The following ABL1 variants were observed in gnomAD, a reference collection of about 807,000 sequenced individuals.
The protein encoded by ABL1 is ABL proto-oncogene 1, non-receptor tyrosine kinase.
In ABL1, 11 loss-of-function variants were observed where a neutral mutation model predicts 94.7. That is an observed-to-expected ratio of 0.12 (90% CI 0.07 to 0.19). The LOEUF is 0.19. Among genes scored for constraint, ABL1 ranks in the 10% least tolerant of loss-of-function variants. The pLI, the probability that ABL1 is intolerant of heterozygous loss-of-function variation, is 1.00. For synonymous variants in ABL1, 656 were observed against 622.4 expected (o/e 1.05, Z -0.80); for missense variants, 1,082 against 1,489.4 (o/e 0.73, Z 4.50).
Position 130,740,740 on chromosome 9 carries a change from G to A in ABL1, c.136+26285G>A, listed in dbSNP as rs548280233. On this transcript the variant is annotated intron_variant, in intron 1 of 10. Coordinates refer to the ABL1 transcript ENST00000372348. ...GCACGATCATCGCTCACTTCAGCCT[G>A]TAATTCCTAGGCTGAAGGGATCCTC... 2.1e-3 allele frequency among the ~76,000 whole-genome samples: 312 copies of A among 151,418 alleles called. 1 individual carries two copies. Among genetic ancestry groups the A allele is most frequent in the Non-Finnish European group, 3.7e-3 (254 of 67,896 alleles).
At chr9:130,833,473 A>T (rs1830517934), upstream of ABL1, among the ~76,000 whole-genome samples, 1 of 152,238 alleles carries the variant, frequency 6.6e-6, no homozygotes, top group Non-Finnish European at 1.5e-5. Context: ...GCTGTCCAGC[A>T]GAATGACAGC....
intron 1 of ABL1, among the ~76,000 whole-genome samples, chr9:130,781,944 T>G (rs1588236750): frequency 6.6e-6 from 1 of 152,366 alleles, no homozygotes; most frequent in Middle Eastern, 3.4e-3. Context: ...TATGCACACA[T>G]ACATGTACGT....
chr9:130,838,325 CT>C (rs1176471065), intron 1 of ABL1, among the ~76,000 whole-genome samples: 6 of 152,266 alleles, frequency 3.9e-5, no homozygotes, highest in East Asian at 1.9e-4. Flanking sequence ...CCAGAAACTC[CT>C]CCAATTAATC....
chr9:130,779,913 T>TA (rs1299413667), intron 1 of ABL1, among the ~76,000 whole-genome samples: 2 of 152,170 alleles, frequency 1.3e-5, no homozygotes, highest in Non-Finnish European at 2.9e-5. Context: ...GCCATTGTAT[T>TA]AATAGAGCCA....
rs544488527 is a variant in ABL1, at chr9:130,778,690, G to A, written c.136+64235G>A. 6.6e-5 allele frequency among the ~76,000 whole-genome samples: 10 copies of A among 151,476 alleles called. No homozygotes were observed. In the South Asian group the frequency reaches 2.1e-3, roughly 32 times the overall value. ...ATCCCCCAGTTTGTTGAAATATCTA[G>A]TATGATGACAGCTTCTCTGTTCTCA... On this transcript the variant is annotated intron_variant, in intron 1 of 10. Coordinates refer to the ABL1 transcript ENST00000372348.
intron 1 of ABL1, among the ~76,000 whole-genome samples, chr9:130,727,776 T>G (rs981095929): frequency 1.5e-5 from 2 of 130,332 alleles, no homozygotes; most frequent in Non-Finnish European, 3.1e-5. Flanking sequence ...AAAAAAGCAT[T>G]TATTAGGAAA....
chr9:130,792,619 A>G (rs553449289), intron 1 of ABL1, among the ~76,000 whole-genome samples: 1 of 152,326 alleles, frequency 6.6e-6, no homozygotes, highest in South Asian at 2.1e-4. Flanking sequence ...AGATGCGTGA[A>G]AAATGTTGAG....
intron 7 of ABL1, 26 bp from the exon 8 acceptor site, chr9:130,878,389 G>A (rs368734864): frequency 1.2e-6 from 2 of 1,613,014 alleles, no homozygotes; most frequent in African/African-American, 1.3e-5. Context: ...ATCTTGAACA[G>A]CCTTTCTCTT....
intron 1 of ABL1, among the ~76,000 whole-genome samples, chr9:130,785,423 G>C (rs1829813319): frequency 6.6e-6 from 1 of 152,200 alleles, no homozygotes; most frequent in African/African-American, 2.4e-5. Context: ...GGCATGCTGT[G>C]TGTTCCTGTG....
rs758808957 is a variant in ABL1 at position 130,885,300 on chromosome 9, C to G, written c.3010C>G (p.Pro1004Ala). Residue 1004 changes from proline (P) to alanine (A), a missense_variant, in exon 11 of 11, where the codon CCT (proline) becomes GCT (alanine). By Grantham distance (27) the Pro-to-Ala change is conservative (BLOSUM62 -1). Coordinates refer to ENST00000318560, the MANE Select transcript of ABL1 (RefSeq NM_005157.6). ...GDQPSSTAFI[P>A]LISTRVSLRK... ...CCAGCCGTCTTCCACCGCCTTCATC[C>G]CTCTCATATCAACCCGAGTGTCTCT... The G allele has an allele frequency of 6.2e-7, 1 of 1,613,800 alleles. No individual in the cohort carries two copies. Among genetic ancestry groups the G allele is most frequent in the Non-Finnish European group, 8.5e-7 (1 of 1,180,028 alleles).
rs1355646230 is a variant in ABL1 at position 130,885,482 on chromosome 9, C to T, written c.3192C>T (p.Tyr1064=). Residue 1064 remains tyrosine (Y), a synonymous_variant, in exon 11 of 11, where the codon TAC becomes TAT. Transcript: ENST00000318560. ...TGCTGGAGGCCGGCAAAAACCTCTA[C>T]ACGTTCTGCGTGAGCTATGTGGATT... is the stretch of plus-strand genomic sequence containing the variant. ...SAVLEAGKNL[Y]TFCVSYVDSI... is the part of the protein sequence containing the mutation. 5 of 1,613,998 alleles carry T rather than the reference C, an allele frequency of 3.1e-6. No individual in the cohort carries two copies. Among genetic ancestry groups the T allele is most frequent in the Non-Finnish European group, 2.5e-6 (3 of 1,180,054 alleles).
At chr9:130,733,648 G>A (rs1487174140) in intron 1 of ABL1, among the ~76,000 whole-genome samples, 1 of 139,466 alleles carries the variant, frequency 7.2e-6, no homozygotes, top group East Asian at 2.2e-4. Flanking sequence ...GCGTAATCTC[G>A]GCTCACTGTA....
intron 1 of ABL1, among the ~76,000 whole-genome samples, chr9:130,745,562 A>G (rs897987467): frequency 4.0e-5 from 6 of 151,634 alleles, no homozygotes; most frequent in Non-Finnish European, 8.8e-5. Flanking sequence ...ATTCTGGTCT[A>G]TAACAGGAAA....
At position 130,874,730 on chromosome 9, in the gene ABL1, G is replaced by A. The variant is rs543633500; in HGVS notation, c.1086-138G>A. ...AGAGGCTGGCACTGTGTTAATTGCC[G>A]TGGGCATTAATACAAACTTCCAGGG... On this transcript the variant is annotated intron_variant, in intron 6 of 10. Coordinates refer to ENST00000318560, the MANE Select transcript of ABL1 (RefSeq NM_005157.6). 36 of 871,044 alleles carry A rather than the reference G, an allele frequency of 4.1e-5. 1 individual carries two copies. The East Asian group carries it at 4.7e-4, about 11-fold the overall frequency. The allele number at this position is 871,044 out of a possible 1,614,324, so 54.0% of individuals were successfully genotyped here.
At chr9:130,799,150 C>T (rs1830022424) in intron 1 of ABL1, among the ~76,000 whole-genome samples, 1 of 151,964 alleles carries the variant, frequency 6.6e-6, no homozygotes, top group South Asian at 2.1e-4. Flanking sequence ...AGTAAGGTGC[C>T]ATGAGAAAAG....
chr9:130,770,626 A>C (rs984415986), intron 1 of ABL1, among the ~76,000 whole-genome samples: 1 of 152,274 alleles, frequency 6.6e-6, no homozygotes, highest in Non-Finnish European at 1.5e-5. Context: ...TACTTGGCAC[A>C]TATAGTGCTT....
intron 1 of ABL1, among the ~76,000 whole-genome samples, chr9:130,727,053 C>T (rs943207169): frequency 2.0e-5 from 3 of 152,000 alleles, no homozygotes; most frequent in African/African-American, 7.3e-5. Context: ...TGACATTTAC[C>T]AAGACTAATT....
chr9:130,832,627 C>T (rs11791206), upstream of ABL1, among the ~76,000 whole-genome samples: 1,690 of 152,270 alleles, frequency 0.011, 11 homozygotes, highest in Non-Finnish European at 0.017. Flanking sequence ...CTTAAGAGTG[C>T]CTGGCACATA....
At chr9:130,724,761 A>G in intron 1 of ABL1, 1 of 455,966 alleles carries the variant, frequency 2.2e-6, no homozygotes. Context: ...AAAAAAAAAA[A>G]AAAAAAAAAG....
Sources: allele counts gnomAD v4.1 joint callset (sites outside exome capture counted in the v4.1 genomes callset), GRCh38; gene constraint gnomAD v4.1.1; transcripts MANE v1.5; gene names NCBI Gene and HGNC (gene_info 2026-07-23, HGNC 2026-07-21).